DPYSL2: variants seen among roughly 807,000 people sequenced by gnomAD.
DPYSL2 encodes the protein dihydropyrimidinase-related protein 2.
A neutral mutation model predicts 69.9 loss-of-function variants in DPYSL2; 13 were observed. The ratio of observed to expected loss-of-function variants is 0.19; its 90% confidence interval spans 0.12 to 0.30. The LOEUF (loss-of-function observed/expected upper bound fraction) is 0.30. DPYSL2 is among the 10% of genes least tolerant of loss of function. DPYSL2 has a pLI of 1.00. For missense variants in DPYSL2, 587 were observed against 918.9 expected, an observed-to-expected ratio of 0.64 and a Z score of 4.67; for synonymous variants, 326 against 359.1, an observed-to-expected ratio of 0.91 and a Z score of 1.04.
In DPYSL2 at chr8:26,593,801, G is replaced by A. The variant is rs903708722; in HGVS notation, c.628+9818G>A. On this transcript the variant is annotated intron_variant, in intron 3 of 13. Transcript: ENST00000521913. This position sits in a 1 kb window ranked among gnomAD's most constrained non-coding sequence, Gnocchi z 5.7. Reference sequence around the variant, plus strand: ...TCCCCAGCCTGTGGCCACCTGCTGTGCTGGTTTCCCTGAGAAAACCCTACT... The same window carrying A: ...TCCCCAGCCTGTGGCCACCTGCTGTACTGGTTTCCCTGAGAAAACCCTACT... Among the ~76,000 whole-genome samples the A allele has an allele frequency of 6.6e-6, 1 of 152,202 alleles. No homozygotes were observed. Among genetic ancestry groups the A allele is most frequent in the African/African-American group, 2.4e-5 (1 of 41,446 alleles).
At chr8:26,550,540 A>G (rs1468771781) in intron 1 of DPYSL2, among the ~76,000 whole-genome samples, 1 of 149,810 alleles carries the variant, frequency 6.7e-6, no homozygotes, top group Non-Finnish European at 1.5e-5. Flanking sequence ...TATGCTGTGT[A>G]CAAGAAACCC....
At chr8:26,615,136 C>T (rs1435315314) in intron 3 of DPYSL2, among the ~76,000 whole-genome samples, 6 of 152,142 alleles carry the variant, frequency 3.9e-5, no homozygotes, top group East Asian at 3.9e-4. Flanking sequence ...GTAATGTGAG[C>T]GGATTACTTA....
At chr8:26,574,750 T>C (rs1314249607) in intron 1 of DPYSL2, among the ~76,000 whole-genome samples, 1 of 152,180 alleles carries the variant, frequency 6.6e-6, no homozygotes, top group Non-Finnish European at 1.5e-5. Context: ...AAGAAACATT[T>C]ATTTATTTAT....
intron 3 of DPYSL2, among the ~76,000 whole-genome samples, chr8:26,618,417 A>C (rs527759803): frequency 2.7e-5 from 4 of 149,014 alleles, no homozygotes; most frequent in Non-Finnish European, 5.9e-5. Flanking sequence ...GGCTCAAGTG[A>C]TCTTCCCCAC....
Position 26,652,215 on chromosome 8 carries a change from C to G in DPYSL2, c.1597-42C>G, listed in dbSNP as rs1434977655. 5 of 1,562,898 alleles carry G rather than the reference C, an allele frequency of 3.2e-6. No individual in the cohort carries two copies. The African/African-American group carries it at 5.4e-5, about 17-fold the overall frequency. ...GTGCTGCCGGGTGGATTGAGTCCAG[C>G]CAGAGTGGCCTGTTCTAGAGTTTAC... On this transcript the variant is annotated intron_variant, in intron 11 of 13. Transcript: ENST00000521913. This position sits in a 1 kb window ranked among gnomAD's most constrained non-coding sequence, Gnocchi z 6.3.
chr8:26,653,514 C>T lies in DPYSL2; in HGVS notation c.1942+117C>T, dbSNP rs1803321444. 3 of 1,120,078 alleles carry T rather than the reference C, an allele frequency of 2.7e-6. No individual in the cohort carries two copies. Among genetic ancestry groups the T allele is most frequent in the Non-Finnish European group, 3.8e-6 (3 of 783,094 alleles). 69.4% of individuals were successfully genotyped at this position (1,120,078 alleles called of 1,614,324 possible). On this transcript the variant is annotated intron_variant, in intron 13 of 13. Transcript: ENST00000521913. This position sits in a 1 kb window ranked among gnomAD's most constrained non-coding sequence, Gnocchi z 5.7. ...TAGAAGTGAATGATATTCCCTTTCT[C>T]TCCAACGTGAGAAATACAGTGGACT...
chr8:26,540,905 A>AG (rs1491564138), intron 1 of DPYSL2, among the ~76,000 whole-genome samples: 1 of 41,788 alleles, frequency 2.4e-5, no homozygotes. Flanking sequence ...ACTCTGTCTC[A>AG]AAAAAAAAAA....
Position 26,610,589 on chromosome 8 carries a change from A to G in DPYSL2, c.629-13554A>G, listed in dbSNP as rs1802202355. Among the ~76,000 whole-genome samples the G allele has an allele frequency of 6.6e-6, 1 of 151,822 alleles. No individual in the cohort carries two copies. The highest frequency in any genetic ancestry group is 6.6e-5 in the Admixed American group (1 of 15,210). The stretch of plus-strand genomic sequence containing the variant: ...GGGGCCCTCCACCCTCCTTCCCTCA[A>G]TCACGCCTTTATCCAGTCCCTTCCC... On this transcript the variant is annotated intron_variant, in intron 3 of 13. Coordinates refer to ENST00000521913, the MANE Select transcript of DPYSL2 (RefSeq NM_001197293.3). This position sits in a 1 kb window ranked among gnomAD's most constrained non-coding sequence, Gnocchi z 4.5.
At chr8:26,546,438 T>C (rs1417585374) in intron 1 of DPYSL2, among the ~76,000 whole-genome samples, 1 of 152,160 alleles carries the variant, frequency 6.6e-6, no homozygotes, top group Non-Finnish European at 1.5e-5. Context: ...GCTCAACAAA[T>C]ATCAAAAATA....
At position 26,653,553 on chromosome 8, in the gene DPYSL2, A is replaced by G. The variant is rs1803322206; in HGVS notation, c.1942+156A>G. Among the ~76,000 whole-genome samples the G allele has an allele frequency of 6.6e-6, 1 of 151,978 alleles. No individual in the cohort carries two copies. The highest frequency in any genetic ancestry group is 1.5e-5 in the Non-Finnish European group (1 of 67,994). On this transcript the variant is annotated intron_variant, in intron 13 of 13. Transcript: ENST00000521913. The surrounding 1 kb of genome is among the most constrained non-coding windows in gnomAD (Gnocchi z 5.7). ...ATACAGTGGACTCAGATCTCTGGAG[A>G]TGTATTTTCTTTTTCTTTTTTTTGA...
In DPYSL2 at chr8:26,644,122, C is replaced by T. The variant is rs768020055; in HGVS notation, c.1425+31C>T. On this transcript the variant is annotated intron_variant, in intron 10 of 13. Coordinates refer to ENST00000521913, the MANE Select transcript of DPYSL2 (RefSeq NM_001197293.3). This position sits in a 1 kb window ranked among gnomAD's most constrained non-coding sequence, Gnocchi z 4.5. Reference sequence around the variant, plus strand: ...GAGCGATGGCCTCACTCCTTGGTGGCTCTCAGCCTTCCTTGTCCTCCTCAT... The same window carrying T: ...GAGCGATGGCCTCACTCCTTGGTGGTTCTCAGCCTTCCTTGTCCTCCTCAT... 67 of 1,608,850 alleles carry T rather than the reference C, an allele frequency of 4.2e-5. No homozygotes were observed. Among genetic ancestry groups the T allele is most frequent in the Middle Eastern group, 1.6e-4 (1 of 6,072 alleles).
intron 1 of DPYSL2, among the ~76,000 whole-genome samples, chr8:26,524,425 A>G (rs1261907535): frequency 2.6e-5 from 4 of 152,240 alleles, no homozygotes; most frequent in Non-Finnish European, 5.9e-5. Flanking sequence ...GAAAAAAATC[A>G]TCCATAATCT....
intron 1 of DPYSL2, among the ~76,000 whole-genome samples, chr8:26,531,635 G>T (rs573852039): frequency 6.6e-6 from 1 of 152,324 alleles, no homozygotes; most frequent in African/African-American, 2.4e-5. Context: ...CCACAGCATT[G>T]TTCACACTGG....
intron 4 of DPYSL2, among the ~76,000 whole-genome samples, chr8:26,625,906 G>T (rs997026445): frequency 3.3e-5 from 5 of 152,080 alleles, no homozygotes; most frequent in Non-Finnish European, 7.4e-5. Context: ...TCATAATGTT[G>T]TTGCAACCAT....
rs1337562029 is a variant in DPYSL2, at chr8:26,588,455, A to C, written c.628+4472A>C. 6.6e-6 allele frequency among the ~76,000 whole-genome samples: 1 copy of C among 152,132 alleles called. No individual in the cohort carries two copies. Among genetic ancestry groups the C allele is most frequent in the African/African-American group, 2.4e-5 (1 of 41,422 alleles). ...CATGACTTTCAGGGGTGCATGCCGG[A>C]TCTGCACACTCTGGATCTCCAGGGC... On this transcript the variant is annotated intron_variant, in intron 3 of 13. Coordinates refer to ENST00000521913, the MANE Select transcript of DPYSL2 (RefSeq NM_001197293.3). The surrounding 1 kb of genome is among the most constrained non-coding windows in gnomAD (Gnocchi z 5.4).
rs375984592 is a variant in DPYSL2 at position 26,607,200 on chromosome 8, T to G, written c.629-16943T>G. On this transcript the variant is annotated intron_variant, in intron 3 of 13. Transcript: ENST00000521913. ...TAGTATATAGTCATTAAAATTTATT[T>G]TGGGGGCCGGGTGGTGCCTCACGCC... Among the ~76,000 whole-genome samples the G allele has an allele frequency of 1.7e-3, 260 of 152,226 alleles. 1 individual carries two copies. The highest frequency in any genetic ancestry group is 5.6e-3 in the African/African-American group (231 of 41,540).
At position 26,620,564 on chromosome 8, in the gene DPYSL2, G is replaced by A. The variant is rs760201153; in HGVS notation, c.629-3579G>A. On this transcript the variant is annotated intron_variant, in intron 3 of 13. Coordinates refer to ENST00000521913, the MANE Select transcript of DPYSL2 (RefSeq NM_001197293.3). This position sits in a 1 kb window ranked among gnomAD's most constrained non-coding sequence, Gnocchi z 4.5. ...TTTAGTACTGATTGAGATGAATGGA[G>A]CAAAATAGCCCAGGAACAGAACCTG... Among the ~76,000 whole-genome samples, 1 of 151,988 alleles carries A rather than the reference G, an allele frequency of 6.6e-6. No individual in the cohort carries two copies. The highest frequency in any genetic ancestry group is 1.5e-5 in the Non-Finnish European group (1 of 68,014).
rs1808290387 is a variant in DPYSL2, at chr8:26,516,340, G to A, written c.354+1661G>A. Among the ~76,000 whole-genome samples the A allele has an allele frequency of 6.6e-6, 1 of 152,240 alleles. No individual in the cohort carries two copies. The highest frequency in any genetic ancestry group is 6.5e-5 in the Admixed American group (1 of 15,290). ...ACTTCCCTGTGTGAGTACATTGAGT[G>A]AGGGCCAAAATCATATAGCATCTTG... On this transcript the variant is annotated intron_variant, in intron 1 of 13. Coordinates refer to ENST00000521913, the MANE Select transcript of DPYSL2 (RefSeq NM_001197293.3). The surrounding 1 kb of genome is among the most constrained non-coding windows in gnomAD (Gnocchi z 4.8).
rs1808227186 is a variant in DPYSL2 at position 26,514,084 on chromosome 8, TC to T, written c.-238del. ...CCCTCCCAGATCCAACTTTGCCGCTTCCCCGAGCTCGCGCTGTAGCCGCGGG... is the reference window on the plus strand; with the variant it reads ...CCCTCCCAGATCCAACTTTGCCGCTTCCCGAGCTCGCGCTGTAGCCGCGGG... On this transcript the variant is annotated 5_prime_UTR_variant, in exon 1 of 14. Coordinates refer to ENST00000521913, the MANE Select transcript of DPYSL2 (RefSeq NM_001197293.3). This position sits in a 1 kb window ranked among gnomAD's most constrained non-coding sequence, Gnocchi z 8.4. The T allele has an allele frequency of 2.7e-6, 1 of 366,640 alleles. No homozygotes were observed. The highest frequency in any genetic ancestry group is 4.8e-6 in the Non-Finnish European group (1 of 206,602). 22.7% of individuals were successfully genotyped at this position (366,640 alleles called of 1,614,324 possible).
Sources: allele counts gnomAD v4.1 joint callset (sites outside exome capture counted in the v4.1 genomes callset), GRCh38; gene constraint gnomAD v4.1.1; non-coding constraint Gnocchi (gnomAD v3.1); transcripts MANE v1.5; gene names NCBI Gene and HGNC (gene_info 2026-07-23, HGNC 2026-07-21).